ASTN2: variants seen among roughly 807,000 people sequenced by gnomAD.
ASTN2 encodes the protein astrotactin-2.
In ASTN2, 54 loss-of-function variants were observed where a neutral mutation model predicts 139.8. The ratio of observed to expected loss-of-function variants is 0.39; its 90% CI spans 0.31 to 0.48. ASTN2 has a LOEUF of 0.48. Ranked by LOEUF, ASTN2 falls within the 20% of genes least tolerant of loss-of-function variation. The pLI is 0.95. For missense variants in ASTN2, 1,565 were observed against 1,725.1 expected, an observed-to-expected ratio of 0.91 and a Z score of 1.64; for synonymous variants, 756 against 719.5, an observed-to-expected ratio of 1.05 and a Z score of -0.81.
chr9:116,456,055 T>C (rs1489581455), intron 20 of ASTN2, among the ~76,000 whole-genome samples: 1 of 151,640 alleles, frequency 6.6e-6, no homozygotes, highest in African/African-American at 2.4e-5. Context: ...GGCATCTAAA[T>C]TGGAAAAAAT....
At chr9:116,656,555 AG>A (rs2131943239) in intron 16 of ASTN2, among the ~76,000 whole-genome samples, 1 of 152,238 alleles carries the variant, frequency 6.6e-6, no homozygotes, top group South Asian at 2.1e-4. Context: ...CTTCCAAAAT[AG>A]GATCATGTCT....
At chr9:117,178,051 T>A (rs1830962399) in intron 3 of ASTN2, among the ~76,000 whole-genome samples, 1 of 152,186 alleles carries the variant, frequency 6.6e-6, no homozygotes. Flanking sequence ...CATCCTATTG[T>A]CCCTTGTTGT....
chr9:117,171,144 A>C (rs1830782361), intron 3 of ASTN2, among the ~76,000 whole-genome samples: 1 of 145,086 alleles, frequency 6.9e-6, no homozygotes, highest in Admixed American at 7.3e-5. Flanking sequence ...TAAAACTAGA[A>C]ACAAACAAAG....
intron 1 of ASTN2, among the ~76,000 whole-genome samples, chr9:117,360,838 C>T (rs1829672231): frequency 6.6e-6 from 1 of 152,156 alleles, no homozygotes; most frequent in African/African-American, 2.4e-5. Flanking sequence ...TACTTTTGTA[C>T]TCTAAAAATC....
chr9:116,811,588 G>A (rs7021435), intron 12 of ASTN2, among the ~76,000 whole-genome samples: 11,667 of 152,164 alleles, frequency 0.077, 1,455 homozygotes, highest in African/African-American at 0.26. Context: ...TACAGGTTGT[G>A]CCATCTACCA....
At chr9:117,356,243 T>C (rs973188420) in intron 1 of ASTN2, among the ~76,000 whole-genome samples, 3 of 152,220 alleles carry the variant, frequency 2.0e-5, no homozygotes, top group East Asian at 3.8e-4. Context: ...GTCTTCATCA[T>C]AAAGTCAAAA....
intron 13 of ASTN2, among the ~76,000 whole-genome samples, chr9:116,771,869 G>C (rs575275815): frequency 1.9e-4 from 29 of 152,278 alleles, no homozygotes; most frequent in African/African-American, 5.8e-4. Flanking sequence ...GCAGCCAGGA[G>C]TGTAGGCAGG....
intron 16 of ASTN2, among the ~76,000 whole-genome samples, chr9:116,658,751 T>G (rs1858381390): frequency 7.0e-6 from 1 of 142,920 alleles, no homozygotes; most frequent in Non-Finnish European, 1.5e-5. Context: ...TTTTTTTTTT[T>G]TTTTTTTGCT....
intron 19 of ASTN2, chr9:116,584,449 C>G (rs1289005823): frequency 6.6e-6 from 1 of 152,132 alleles, no homozygotes; most frequent in Non-Finnish European, 1.5e-5. Flanking sequence ...AACTATAGCC[C>G]ACTACCATCA....
At chr9:116,970,481 T>C (rs1836159342) in intron 10 of ASTN2, among the ~76,000 whole-genome samples, 1 of 152,232 alleles carries the variant, frequency 6.6e-6, no homozygotes, top group Non-Finnish European at 1.5e-5. Context: ...TTGTGTCTTT[T>C]TTCTGCCTTG....
intron 20 of ASTN2, among the ~76,000 whole-genome samples, chr9:116,476,018 G>A (rs551531805): frequency 1.3e-5 from 2 of 152,252 alleles, no homozygotes; most frequent in East Asian, 3.9e-4. Context: ...CCACAAATTT[G>A]GTGGCTTAAA....
chr9:117,115,179 A>G (rs1479556436), intron 4 of ASTN2, among the ~76,000 whole-genome samples: 1 of 152,178 alleles, frequency 6.6e-6, no homozygotes, highest in Admixed American at 6.5e-5. Flanking sequence ...GAGTCACTTG[A>G]GCTCTCTAAA....
intron 17 of ASTN2, among the ~76,000 whole-genome samples, chr9:116,625,497 T>C (rs896105809): frequency 3.3e-5 from 5 of 152,174 alleles, no homozygotes; most frequent in Non-Finnish European, 5.9e-5. Flanking sequence ...GCCCATTCTA[T>C]AGGCACTTGC....
intron 3 of ASTN2, among the ~76,000 whole-genome samples, chr9:117,194,811 A>C (rs546113361): frequency 6.6e-6 from 1 of 152,356 alleles, no homozygotes; most frequent in African/African-American, 2.4e-5. Flanking sequence ...TTTGATAAGG[A>C]TAATACATTC....
chr9:117,383,681 TG>T (rs1440361130), intron 1 of ASTN2, among the ~76,000 whole-genome samples: 1 of 151,884 alleles, frequency 6.6e-6, no homozygotes, highest in Non-Finnish European at 1.5e-5. Context: ...TAACAGAAAG[TG>T]GAAAAAATAT....
At chr9:116,668,052 C>T (rs985780985) in intron 16 of ASTN2, among the ~76,000 whole-genome samples, 5 of 152,086 alleles carry the variant, frequency 3.3e-5, no homozygotes, top group South Asian at 2.1e-4. Flanking sequence ...CCTAAAAATA[C>T]GGTGTGCTCC....
chr9:117,026,650 G>A (rs62564878), intron 6 of ASTN2, among the ~76,000 whole-genome samples: 5 of 152,072 alleles, frequency 3.3e-5, no homozygotes, highest in East Asian at 1.9e-4. Context: ...ATATGGCAGC[G>A]CCTATCAGGT....
At chr9:116,524,692 T>G (rs1750454400) in intron 19 of ASTN2, among the ~76,000 whole-genome samples, 1 of 152,238 alleles carries the variant, frequency 6.6e-6, no homozygotes, top group Non-Finnish European at 1.5e-5. Context: ...CTGTACAATG[T>G]TGAAAACTTA....
intron 6 of ASTN2, among the ~76,000 whole-genome samples, chr9:117,022,442 CAAAAAA>C (rs143095854): frequency 4.0e-5 from 3 of 75,458 alleles, no homozygotes; most frequent in South Asian, 8.7e-4. Context: ...TATCCCAGGG[CAAAAAA>C]AAAAAACAAA....
Sources: allele counts gnomAD v4.1 joint callset (sites outside exome capture counted in the v4.1 genomes callset), GRCh38; gene constraint gnomAD v4.1.1; transcripts MANE v1.5; gene names NCBI Gene and HGNC (gene_info 2026-07-23, HGNC 2026-07-21).